The following MYO5B variants were observed in gnomAD, a reference collection of about 807,000 sequenced individuals.
MYO5B encodes the protein myosin VB.
In MYO5B, 143 loss-of-function variants were observed where a neutral mutation model predicts 229.3. That is an observed-to-expected ratio of 0.62 (90% CI 0.54 to 0.72). The LOEUF is 0.72. Ranked by LOEUF, MYO5B falls within the 30% of genes least tolerant of loss-of-function variation. MYO5B has a pLI of 0.00. For synonymous variants in MYO5B, 918 were observed against 885.2 expected (o/e 1.04, Z -0.66); for missense variants, 2,321 against 2,331.0 (o/e 1.00, Z 0.09).
chr18:50,060,769 C>G (rs1475636338), intron 1 of MYO5B, among the ~76,000 whole-genome samples: 1 of 152,166 alleles, frequency 6.6e-6, no homozygotes, highest in Non-Finnish European at 1.5e-5. Flanking sequence ...TGACAAGAGC[C>G]TGAATCCTGA....
At chr18:50,042,579 G>A (rs757708649) in intron 2 of MYO5B, among the ~76,000 whole-genome samples, 4 of 152,100 alleles carry the variant, frequency 2.6e-5, no homozygotes, top group Admixed American at 6.5e-5. Context: ...GGTGGGAACA[G>A]GGGGAAATGG....
chr18:50,053,571 C>T (rs2030461200), intron 2 of MYO5B, among the ~76,000 whole-genome samples: 1 of 152,038 alleles, frequency 6.6e-6, no homozygotes, highest in Non-Finnish European at 1.5e-5. Context: ...ACATGGTAAA[C>T]ATAATTCCAT....
Position 49,868,339 on chromosome 18 carries a change from G to T in MYO5B, c.3603+3828C>A, listed in dbSNP as rs114560281. On this transcript the variant is annotated intron_variant, in intron 27 of 39. Coordinates refer to ENST00000285039, the MANE Select transcript of MYO5B (RefSeq NM_001080467.3). ...TAAGGAGAAAAAAAAACACTCGAAG[G>T]ATCTTCTCAACTGAGTCTTTTCTGA... 9.9e-3 allele frequency among the ~76,000 whole-genome samples: 1,501 copies of T among 152,252 alleles called. 46 individuals are homozygous for T. The South Asian group carries it at 0.13, about 14-fold the overall frequency.
intron 1 of MYO5B, among the ~76,000 whole-genome samples, chr18:50,129,978 T>G (rs1482894713): frequency 6.6e-6 from 1 of 152,310 alleles, no homozygotes; most frequent in Admixed American, 6.5e-5. Context: ...TCCTGCAGTC[T>G]TCCTTCAAAC....
chr18:49,910,945 G>C (rs908296459), intron 18 of MYO5B, among the ~76,000 whole-genome samples: 1 of 152,220 alleles, frequency 6.6e-6, no homozygotes, highest in African/African-American at 2.4e-5. Context: ...CCATGGAAAT[G>C]TTTAAGGATT....
At chr18:49,856,768 G>T in intron 30 of MYO5B, 45 bp downstream of exon 30, 1 of 1,503,838 alleles carries the variant, frequency 6.6e-7, no homozygotes, top group Non-Finnish European at 9.3e-7. Flanking sequence ...ACATGAGCAG[G>T]CCCAACGGAC....
At chr18:49,932,444 C>T (rs2025203866) in intron 16 of MYO5B, among the ~76,000 whole-genome samples, 1 of 152,192 alleles carries the variant, frequency 6.6e-6, no homozygotes, top group African/African-American at 2.4e-5. Context: ...AGCAAATCCC[C>T]TCCCTTTGCC....
chr18:49,868,956 G>C (rs144509802), intron 27 of MYO5B, among the ~76,000 whole-genome samples: 46 of 152,262 alleles, frequency 3.0e-4, no homozygotes, highest in African/African-American at 1.1e-3. Flanking sequence ...CTGGTAAAAG[G>C]GTTTAAGCAA....
intron 16 of MYO5B, among the ~76,000 whole-genome samples, chr18:49,930,667 T>C (rs1200662523): frequency 6.6e-6 from 1 of 151,942 alleles, no homozygotes; most frequent in Non-Finnish European, 1.5e-5. Flanking sequence ...CCGAGGTGGG[T>C]GGATCACAAG....
intron 17 of MYO5B, among the ~76,000 whole-genome samples, chr18:49,925,861 G>A (rs1324506673): frequency 1.3e-5 from 2 of 152,190 alleles, no homozygotes; most frequent in Non-Finnish European, 2.9e-5. Context: ...CTAGTGGTTT[G>A]AACTCAAAAC....
intron 29 of MYO5B, 129 bp from the exon 30 acceptor site, chr18:49,857,019 C>T (rs943691170): frequency 1.3e-6 from 1 of 756,382 alleles, no homozygotes; most frequent in African/African-American, 1.7e-5. Context: ...CTCAAGAACT[C>T]CCATTTTCCC....
intron 22 of MYO5B, among the ~76,000 whole-genome samples, chr18:49,888,188 G>C (rs1304690338): frequency 6.6e-6 from 1 of 151,954 alleles, no homozygotes; most frequent in Non-Finnish European, 1.5e-5. Context: ...GGGGAGTAAG[G>C]GACTCTCCTG....
chr18:49,850,229 C>A (rs1264010249), intron 31 of MYO5B: 1 of 180,294 alleles, frequency 5.5e-6, no homozygotes, highest in African/African-American at 2.4e-5. Context: ...ATTAATGTCA[C>A]CTCCATCCCA....
chr18:50,005,039 C>T (rs2026086663), intron 4 of MYO5B, among the ~76,000 whole-genome samples: 2 of 152,206 alleles, frequency 1.3e-5, no homozygotes, highest in African/African-American at 4.8e-5. Flanking sequence ...AGCCCAAGCT[C>T]TTCTAAGTAG....
chr18:50,084,644 C>T (rs1016589434), intron 1 of MYO5B, among the ~76,000 whole-genome samples: 15 of 152,188 alleles, frequency 9.9e-5, no homozygotes, highest in South Asian at 2.1e-4. Context: ...AGAGGCATCA[C>T]GCTACCTGAC....
intron 4 of MYO5B, among the ~76,000 whole-genome samples, chr18:50,031,997 G>A (rs902889450): frequency 1.3e-5 from 2 of 152,268 alleles, no homozygotes; most frequent in South Asian, 2.1e-4. Flanking sequence ...TCCCAAACTC[G>A]TTTGGCCAAC....
chr18:50,154,198 A>G (rs1224787329), intron 1 of MYO5B, among the ~76,000 whole-genome samples: 1 of 152,230 alleles, frequency 6.6e-6, no homozygotes, highest in East Asian at 1.9e-4. Flanking sequence ...GAAGGATTGG[A>G]GAAAGGTAAG....
At chr18:50,028,129 T>C (rs755849485) in intron 4 of MYO5B, among the ~76,000 whole-genome samples, 98 of 152,320 alleles carry the variant, frequency 6.4e-4, no homozygotes, top group Middle Eastern at 3.4e-3. Context: ...CAATGTCTAA[T>C]TGTATGTGCA....
At chr18:49,920,374 A>G (rs569538151) in intron 17 of MYO5B, among the ~76,000 whole-genome samples, 25 of 152,224 alleles carry the variant, frequency 1.6e-4, no homozygotes, top group African/African-American at 5.8e-4. Flanking sequence ...AGTAATACAT[A>G]CAAGTTTTCA....
Sources: allele counts gnomAD v4.1 joint callset (sites outside exome capture counted in the v4.1 genomes callset), GRCh38; gene constraint gnomAD v4.1.1; transcripts MANE v1.5; gene names NCBI Gene and HGNC (gene_info 2026-07-23, HGNC 2026-07-21).